Variants in DGKH observed in about 807,000 individuals in gnomAD.
DGKH encodes DAG kinase eta.
A neutral mutation model predicts 159.3 loss-of-function variants in DGKH; 90 were observed. The ratio of observed to expected loss-of-function variants is 0.57; its 90% CI spans 0.48 to 0.67. DGKH has a LOEUF of 0.67. Ranked by LOEUF, DGKH falls within the 30% of genes least tolerant of loss-of-function variation. The probability of loss-of-function intolerance (pLI) is 0.00; values close to 1 mark genes in which losing one functional copy is unlikely to be tolerated. For synonymous variants in DGKH, 536 were observed against 553.8 expected, an observed-to-expected ratio of 0.97 and a Z score of 0.45; for missense variants, 1,181 against 1,506.1, an observed-to-expected ratio of 0.78 and a Z score of 3.57.
chr13:42,170,347 AG>A (rs1363093768), intron 11 of DGKH, among the ~76,000 whole-genome samples: 1 of 152,166 alleles, frequency 6.6e-6, no homozygotes, highest in East Asian at 1.9e-4. Flanking sequence ...CAGGAGGTGG[AG>A]GTGGCAGTGA....
Position 42,150,749 on chromosome 13 carries a change from G to A in DGKH, c.385-4542G>A, listed in dbSNP as rs560185795. 4.6e-5 allele frequency among the ~76,000 whole-genome samples: 7 copies of A among 152,204 alleles called. No homozygotes were observed. The East Asian group carries it at 1.4e-3, about 29-fold the overall frequency. ...CCAGTTTATTACAATATCAAAATTT[G>A]TAATTATTTTTTTTATGGGTGTGGT... On this transcript the variant is annotated intron_variant, in intron 3 of 29. Transcript: ENST00000337343.
chr13:42,069,782 G>T (rs896796433), intron 1 of DGKH: 9 of 1,085,840 alleles, frequency 8.3e-6, no homozygotes, highest in African/African-American at 7.9e-5. Context: ...CTACACTCCA[G>T]ATCACAATAT....
In DGKH at chr13:42,235,125, T is replaced by C. The variant is rs1594258678; in HGVS notation, c.*5937T>C. The C allele has an allele frequency of 6.6e-6, 1 of 152,298 alleles. No individual in the cohort carries two copies. The highest frequency in any genetic ancestry group is 1.9e-4 in the East Asian group (1 of 5,186). 9.4% of individuals were successfully genotyped at this position (152,298 alleles called of 1,614,324 possible). On this transcript the variant is annotated 3_prime_UTR_variant, in exon 30 of 30. Transcript: ENST00000337343. ...TCTGATATTTTTAGGAAAAGAAGTTTAACAGAGTAACTCAGACTGAGACTG... is the reference window on the plus strand; with the variant it reads ...TCTGATATTTTTAGGAAAAGAAGTTCAACAGAGTAACTCAGACTGAGACTG...
intron 21 of DGKH, among the ~76,000 whole-genome samples, chr13:42,208,346 G>T (rs1019581410): frequency 6.6e-6 from 1 of 152,008 alleles, no homozygotes; most frequent in Non-Finnish European, 1.5e-5. Context: ...TTGTGAAAAT[G>T]CATCTAATGT....
intron 29 of DGKH, 76 bp from the exon 30 acceptor site, chr13:42,229,023 C>T: frequency 7.6e-7 from 1 of 1,309,242 alleles, no homozygotes. Context: ...CCTTTTCTTT[C>T]ATTTTTAAAA....
At chr13:42,135,733 A>G (rs371993924) in intron 3 of DGKH, among the ~76,000 whole-genome samples, 10 of 152,162 alleles carry the variant, frequency 6.6e-5, no homozygotes, top group South Asian at 4.2e-4. Context: ...AGATGAGGCT[A>G]GAGAGAATTG....
At chr13:42,070,625 T>C in intron 1 of DGKH, 1 of 1,610,776 alleles carries the variant, frequency 6.2e-7, no homozygotes, top group Non-Finnish European at 8.5e-7. Context: ...ATGAAAAGAT[T>C]AGTTGGTTTG....
intron 26 of DGKH, among the ~76,000 whole-genome samples, chr13:42,216,092 G>C (rs538710903): frequency 3.3e-5 from 5 of 152,218 alleles, no homozygotes; most frequent in Admixed American, 6.5e-5. Context: ...TCTAGACACA[G>C]TGTTTCAAGA....
rs565761143 is a variant in DGKH at position 42,042,141 on chromosome 13, C to A, written c.-13+2015C>A. Reference sequence around the variant, plus strand: ...CATGTCGTCAGGTTGCCCATCTGCTCTTGTTTCTTCCATTGTGGTTATCAC... The same window carrying A: ...CATGTCGTCAGGTTGCCCATCTGCTATTGTTTCTTCCATTGTGGTTATCAC... On this transcript the variant is annotated intron_variant, in intron 1 of 29. Transcript: ENST00000379274. Among the ~76,000 whole-genome samples, 38 of 152,352 alleles carry A rather than the reference C, an allele frequency of 2.5e-4. 1 individual carries two copies. In the South Asian group the frequency reaches 7.7e-3, roughly 31 times the overall value.
In DGKH at chr13:42,228,601, TGA is replaced by T. The variant is rs71767540; in HGVS notation, c.3574-480_3574-479del. On this transcript the variant is annotated intron_variant, in intron 29 of 29. Coordinates refer to ENST00000337343, the MANE Select transcript of DGKH (RefSeq NM_178009.5). ...TTCTCAGAGATCCCAAAAGAGCCTT[TGA>T]GAGAGAGAGAGAGAGAGGGAGAGAG... 1.0e-2 allele frequency among the ~76,000 whole-genome samples: 1,404 copies of T among 140,568 alleles called. 45 individuals are homozygous for T. The highest frequency in any genetic ancestry group is 0.085 in the South Asian group (378 of 4,438). The allele number at this position is 140,568 out of a possible 152,430, so 92.2% of individuals were successfully genotyped here.
intron 3 of DGKH, among the ~76,000 whole-genome samples, chr13:42,149,110 G>A (rs1455806608): frequency 6.6e-6 from 1 of 151,840 alleles, no homozygotes; most frequent in Non-Finnish European, 1.5e-5. Context: ...TTGAGTTTTT[G>A]TAGAGATGGG....
At position 42,155,730 on chromosome 13, in the gene DGKH, C is replaced by T; in HGVS notation, c.553C>T (p.Arg185Ter). The stretch of plus-strand genomic sequence containing the variant: ...CAACTGGTACGCCTGCTCCCACGCC[C>T]GACCCACCTTCTGTAACGTGTGCAG... ...MHNWYACSHA[R>*]PTFCNVCRES... is the part of the protein sequence containing the mutation. Residue 185 changes from arginine (R) to a stop codon, truncating the protein, a stop_gained, in exon 5 of 30, where the codon CGA becomes TGA. Coordinates refer to ENST00000337343, the MANE Select transcript of DGKH (RefSeq NM_178009.5). LOFTEE classifies it high-confidence loss of function. The T allele has an allele frequency of 2.5e-6, 4 of 1,614,088 alleles. No individual in the cohort carries two copies. Among genetic ancestry groups the T allele is most frequent in the East Asian group, 2.2e-5 (1 of 44,882 alleles).
chr13:42,129,697 A>G lies in DGKH; in HGVS notation c.384+65A>G, dbSNP rs1317485748. On this transcript the variant is annotated intron_variant, in intron 3 of 29. Coordinates refer to ENST00000337343, the MANE Select transcript of DGKH (RefSeq NM_178009.5). Reference sequence around the variant, plus strand: ...AGAATGACCTTTCTTAAGCGTGTACAGAATGCCCTGTTCAATTACAAACTG... The same window carrying G: ...AGAATGACCTTTCTTAAGCGTGTACGGAATGCCCTGTTCAATTACAAACTG... The G allele has an allele frequency of 3.5e-6, 5 of 1,427,864 alleles. No individual in the cohort carries two copies. The Admixed American group carries it at 9.8e-5, about 28-fold the overall frequency. 88.4% of individuals were successfully genotyped at this position (1,427,864 alleles called of 1,614,324 possible).
chr13:42,070,953 G>A, intron 1 of DGKH: 1 of 1,303,224 alleles, frequency 7.7e-7, no homozygotes, highest in Non-Finnish European at 1.1e-6. Context: ...TTTTCTTGAT[G>A]GCTACTCTTT....
At chr13:42,045,024 G>A (rs1271708897), upstream of DGKH, among the ~76,000 whole-genome samples, 1 of 152,194 alleles carries the variant, frequency 6.6e-6, no homozygotes, top group Non-Finnish European at 1.5e-5. Flanking sequence ...TGGTGCTGTG[G>A]CTCATGCCTG....
At chr13:42,079,619 T>C (rs890366884) in intron 1 of DGKH, among the ~76,000 whole-genome samples, 1 of 152,340 alleles carries the variant, frequency 6.6e-6, no homozygotes, top group African/African-American at 2.4e-5. Flanking sequence ...GTGTGCTCCC[T>C]TGACCTACTA....
Position 42,048,718 on chromosome 13 carries a change from G to T in DGKH, c.-56G>T. 8.2e-7 allele frequency: 1 copy of T among 1,225,450 alleles called. No individual in the cohort carries two copies. The highest frequency in any genetic ancestry group is 3.9e-5 in the South Asian group (1 of 25,904). The allele number at this position is 1,225,450 out of a possible 1,614,324, so 75.9% of individuals were successfully genotyped here. ...TCCGCTCGGGCAGAGCCCACCCGCT[G>T]ACCAACGCCGCCGCCCCCGCCGGGC... On this transcript the variant is annotated 5_prime_UTR_variant, in exon 1 of 30. The change abolishes the stop of an existing upstream ORF in the 5' untranslated region. Coordinates refer to ENST00000337343, the MANE Select transcript of DGKH (RefSeq NM_178009.5). This position sits in a 1 kb window ranked among gnomAD's most constrained non-coding sequence, Gnocchi z 6.7.
At position 42,168,678 on chromosome 13, in the gene DGKH, G is replaced by C; in HGVS notation, c.1228-1G>C. Reference sequence around the variant, plus strand: ...AGTCACCCTGTTGCACTGTCTTTCAGTGTCAGCTGGGAGTGTTGCCTTTGG... The same window carrying C: ...AGTCACCCTGTTGCACTGTCTTTCACTGTCAGCTGGGAGTGTTGCCTTTGG... On this transcript the variant is annotated splice_acceptor_variant, in intron 10 of 29. Coordinates refer to ENST00000337343, the MANE Select transcript of DGKH (RefSeq NM_178009.5). LOFTEE classifies it high-confidence loss of function. The C allele has an allele frequency of 6.2e-7, 1 of 1,614,138 alleles. No individual in the cohort carries two copies.
intron 29 of DGKH, among the ~76,000 whole-genome samples, chr13:42,250,590 C>G (rs1939989743): frequency 6.6e-6 from 1 of 152,172 alleles, no homozygotes; most frequent in African/African-American, 2.4e-5. Flanking sequence ...ACTCTTACTA[C>G]AGTGCAGTCA....
Sources: gnomAD v4.1 joint callset for allele counts (sites outside exome capture counted in the v4.1 genomes callset) on GRCh38, gnomAD v4.1.1 for gene constraint, Gnocchi (gnomAD v3.1) non-coding constraint, MANE v1.5 for transcripts, NCBI Gene and HGNC (gene_info 2026-07-23, HGNC 2026-07-21) for gene names.